The following ERC1 variants were observed in gnomAD, a reference collection of about 807,000 sequenced individuals.
ERC1 encodes ELKS/RAB6-interacting/CAST family member 1.
Under a neutral mutation model 132.0 loss-of-function variants are expected in ERC1, and 56 were observed. The observed-to-expected ratio is 0.42, with a 90% CI of 0.34 to 0.53. ERC1 has a LOEUF of 0.53. Ranked by LOEUF, ERC1 falls within the 20% of genes least tolerant of loss-of-function variation. The pLI is 0.03. For missense variants in ERC1, 1,202 were observed against 1,349.9 expected, an observed-to-expected ratio of 0.89 and a Z score of 1.72; for synonymous variants, 478 against 476.1, an observed-to-expected ratio of 1.00 and a Z score of -0.05.
chr12:1,274,480 T>TTTA lies in ERC1; in HGVS notation c.2619+11317_2619+11318insATT, dbSNP rs1555340355. Among the ~76,000 whole-genome samples, 7 of 150,224 alleles carry TTTA rather than the reference T, an allele frequency of 4.7e-5. No individual in the cohort carries two copies. The East Asian group carries it at 5.9e-4, about 13-fold the overall frequency. On this transcript the variant is annotated intron_variant, in intron 14 of 18. Transcript: ENST00000360905. ...ATCTCGTCTATTTTATTTTATTTTA[T>TTTA]TTTATTTATTTATTTATTTATTTAT... is the stretch of plus-strand genomic sequence containing the variant.
rs1168209060 is a variant in ERC1, at chr12:1,195,875, G to GCGC, written c.2351+5824_2351+5825insGCC. Among the ~76,000 whole-genome samples the GCGC allele has an allele frequency of 3.1e-5, 3 of 97,750 alleles. No homozygotes were observed. In the East Asian group the frequency reaches 1.1e-3, roughly 34 times the overall value. The allele number at this position is 97,750 out of a possible 152,430, so 64.1% of individuals were successfully genotyped here. A position where few individuals can be genotyped will look rare whatever the true frequency, so the allele number is the denominator to read the frequency against. On this transcript the variant is annotated intron_variant, in intron 12 of 18. Transcript: ENST00000360905. ...TGGATATAATTATGTACTTATTTCCGCCCCCCCCCCCCTTTTTTTGTAATG... is the reference window on the plus strand; with the variant it reads ...TGGATATAATTATGTACTTATTTCCGCGCCCCCCCCCCCCCTTTTTTTGTAATG...
intron 1 of ERC1, among the ~76,000 whole-genome samples, chr12:999,752 C>T (rs1286092626): frequency 6.6e-6 from 1 of 151,902 alleles, no homozygotes; most frequent in Non-Finnish European, 1.5e-5. Context: ...TGCACCACCA[C>T]GGCCAGCTAA....
intron 1 of ERC1, among the ~76,000 whole-genome samples, chr12:1,008,355 T>G (rs1259772245): frequency 6.6e-6 from 1 of 152,212 alleles, no homozygotes; most frequent in African/African-American, 2.4e-5. Context: ...AAGAAACAAT[T>G]GGATTTTATA....
At chr12:1,276,096 C>T (rs1299291191) in intron 14 of ERC1, among the ~76,000 whole-genome samples, 1 of 152,188 alleles carries the variant, frequency 6.6e-6, no homozygotes, top group African/African-American at 2.4e-5. Context: ...TCTTAAACTA[C>T]ATGTTCCTTC....
intron 8 of ERC1, among the ~76,000 whole-genome samples, chr12:1,145,682 C>G (rs1950281218): frequency 6.6e-6 from 1 of 152,208 alleles, no homozygotes; most frequent in Admixed American, 6.5e-5. Context: ...CCAGTGTTAT[C>G]TTCTAGAATT....
In ERC1 at chr12:1,027,812, C is replaced by T; in HGVS notation, c.-92C>T. 1 of 1,171,336 alleles carries T rather than the reference C, an allele frequency of 8.5e-7. No homozygotes were observed. Among genetic ancestry groups the T allele is most frequent in the Non-Finnish European group, 1.2e-6 (1 of 824,176 alleles). 72.6% of individuals were successfully genotyped at this position (1,171,336 alleles called of 1,614,324 possible). On this transcript the variant is annotated 5_prime_UTR_variant, in exon 2 of 19. Coordinates refer to ENST00000360905, the MANE Select transcript of ERC1 (RefSeq NM_178040.4). Reference sequence around the variant, plus strand: ...GACCTTCTTCTGATTAACCTTAAACCAACTTGTAGCCATAGAGACACCTCA... The same window carrying T: ...GACCTTCTTCTGATTAACCTTAAACTAACTTGTAGCCATAGAGACACCTCA...
intron 17 of ERC1, among the ~76,000 whole-genome samples, chr12:1,438,998 AG>A (rs1349258066): frequency 6.6e-6 from 1 of 151,478 alleles, no homozygotes; most frequent in Non-Finnish European, 1.5e-5. Flanking sequence ...AACGGACAAA[AG>A]ATTAGTACCC....
chr12:1,083,638 A>T, intron 3 of ERC1, 58 bp downstream of exon 3: 1 of 1,348,700 alleles, frequency 7.4e-7, no homozygotes. Flanking sequence ...TTCACTGATT[A>T]ATCAGCATCT....
At chr12:1,243,826 G>A (rs530811490) in intron 13 of ERC1, among the ~76,000 whole-genome samples, 4 of 152,276 alleles carry the variant, frequency 2.6e-5, no homozygotes, top group South Asian at 2.1e-4. Flanking sequence ...TTGAAACCAC[G>A]TTTAGAAACA....
intron 7 of ERC1, among the ~76,000 whole-genome samples, chr12:1,134,523 AT>A (rs892276276): frequency 1.3e-5 from 2 of 150,930 alleles, no homozygotes; most frequent in African/African-American, 4.9e-5. Context: ...ATTAAAAAAA[AT>A]TTTTTTTTGT....
intron 15 of ERC1, among the ~76,000 whole-genome samples, chr12:1,353,124 G>A (rs557251577): frequency 1.5e-4 from 23 of 149,006 alleles, no homozygotes; most frequent in Admixed American, 6.7e-4. Context: ...TCCGCCTCCC[G>A]GGTTCACACC....
At chr12:996,266 T>TA (rs1279794200) in intron 1 of ERC1, among the ~76,000 whole-genome samples, 2 of 142,984 alleles carry the variant, frequency 1.4e-5, no homozygotes, top group African/African-American at 5.2e-5. Flanking sequence ...TTTTTTTTTT[T>TA]TTTTTTTTTG....
chr12:1,382,530 G>A (rs1292403479), intron 16 of ERC1, among the ~76,000 whole-genome samples: 1 of 152,226 alleles, frequency 6.6e-6, no homozygotes, highest in Non-Finnish European at 1.5e-5. Flanking sequence ...CCACAAGGCT[G>A]ATTTAATTGT....
At position 1,341,474 on chromosome 12, in the gene ERC1, A is replaced by G. The variant is rs528830299; in HGVS notation, c.2781-30359A>G. Among the ~76,000 whole-genome samples the G allele has an allele frequency of 3.3e-5, 5 of 152,280 alleles. No homozygotes were observed. The South Asian group carries it at 6.2e-4, about 19-fold the overall frequency. On this transcript the variant is annotated intron_variant, in intron 15 of 18. Transcript: ENST00000360905. ...TGGCACATATACATCATGGAATACT[A>G]TGCAGCCATAAAAAAGGATGAGTTC... is the stretch of plus-strand genomic sequence containing the variant.
chr12:1,262,766 G>GTTTTGTTCTC (rs1262063524), intron 13 of ERC1, among the ~76,000 whole-genome samples: 2 of 152,162 alleles, frequency 1.3e-5, no homozygotes, highest in Non-Finnish European at 2.9e-5. Context: ...GTCTAACACA[G>GTTTTGTTCTC]TTTTGTTCTC....
intron 12 of ERC1, among the ~76,000 whole-genome samples, chr12:1,209,440 T>C (rs1957660376): frequency 6.6e-6 from 1 of 151,804 alleles, no homozygotes; most frequent in Non-Finnish European, 1.5e-5. Context: ...TAGGTGAGAT[T>C]GGCTAGTCTG....
intron 2 of ERC1, among the ~76,000 whole-genome samples, chr12:1,080,596 G>T (rs1942046476): frequency 6.6e-6 from 1 of 152,136 alleles, no homozygotes; most frequent in Admixed American, 6.5e-5. Flanking sequence ...TGAATCATGG[G>T]GGCCAGTCTT....
At chr12:1,440,331 A>C (rs1204274282) in intron 17 of ERC1, among the ~76,000 whole-genome samples, 1 of 146,294 alleles carries the variant, frequency 6.8e-6, no homozygotes, top group Non-Finnish European at 1.5e-5. Flanking sequence ...CAGCCTCCCG[A>C]GTAGCTGGGA....
chr12:1,284,026 A>G (rs994567467), intron 14 of ERC1, among the ~76,000 whole-genome samples: 7 of 152,216 alleles, frequency 4.6e-5, no homozygotes, highest in African/African-American at 1.4e-4. Context: ...GTATTTTTGT[A>G]CCCATTAACC....
Sources: gnomAD v4.1 joint callset for allele counts (sites outside exome capture counted in the v4.1 genomes callset) on GRCh38, gnomAD v4.1.1 for gene constraint, MANE v1.5 for transcripts, NCBI Gene and HGNC (gene_info 2026-07-23, HGNC 2026-07-21) for gene names.